The following DENND1A variants were observed in gnomAD, a reference collection of about 807,000 sequenced individuals.
DENND1A encodes DENN domain-containing protein 1A.
Under a neutral mutation model 113.7 loss-of-function variants are expected in DENND1A, and 51 were observed. The observed-to-expected ratio is 0.45, with a 90% CI of 0.36 to 0.57. The LOEUF (loss-of-function observed/expected upper bound fraction) is 0.57. DENND1A is among the 20% of genes least tolerant of loss of function. The pLI, the probability that DENND1A is intolerant of heterozygous loss-of-function variation, is 0.00. For synonymous variants in DENND1A, 565 were observed against 570.8 expected (o/e 0.99, Z 0.14); for missense variants, 1,258 against 1,395.9 (o/e 0.90, Z 1.57).
At chr9:123,878,902 T>C in intron 2 of DENND1A, 49 bp downstream of exon 2, 1 of 1,578,880 alleles carries the variant, frequency 6.3e-7, no homozygotes, top group Non-Finnish European at 8.7e-7. Flanking sequence ...TGCATAGCTA[T>C]CTCAAACAAT....
intron 10 of DENND1A, among the ~76,000 whole-genome samples, chr9:123,623,330 C>T (rs2061043460): frequency 6.6e-6 from 1 of 152,058 alleles, no homozygotes; most frequent in Admixed American, 6.6e-5. Context: ...TACTAATGGC[C>T]CCTAGGTGCC....
chr9:123,427,241 A>G (rs1328107467), intron 19 of DENND1A, among the ~76,000 whole-genome samples: 1 of 152,254 alleles, frequency 6.6e-6, no homozygotes, highest in Non-Finnish European at 1.5e-5. Context: ...ACCACTCACC[A>G]CGAGAATGTT....
At chr9:123,777,702 T>C (rs1830664555) in intron 3 of DENND1A, among the ~76,000 whole-genome samples, 1 of 152,250 alleles carries the variant, frequency 6.6e-6, no homozygotes, top group African/African-American at 2.4e-5. Context: ...TTATTAGCTC[T>C]TGTATGAGAA....
intron 1 of DENND1A, among the ~76,000 whole-genome samples, chr9:123,892,918 G>A (rs1850141370): frequency 6.6e-6 from 1 of 152,112 alleles, no homozygotes; most frequent in Non-Finnish European, 1.5e-5. Flanking sequence ...AGAGGCAGGG[G>A]TTGCGGGGAG....
At chr9:123,406,754 G>A (rs1306615620) in intron 20 of DENND1A, among the ~76,000 whole-genome samples, 1 of 152,154 alleles carries the variant, frequency 6.6e-6, no homozygotes, top group Non-Finnish European at 1.5e-5. Flanking sequence ...TGGCTGGAAT[G>A]ATCCCCACCC....
At chr9:123,783,734 T>C (rs1436679594) in intron 3 of DENND1A, among the ~76,000 whole-genome samples, 1 of 152,176 alleles carries the variant, frequency 6.6e-6, no homozygotes, top group African/African-American at 2.4e-5. Context: ...TCCTCTGCAC[T>C]CTTTCTGGAA....
intron 9 of DENND1A, among the ~76,000 whole-genome samples, chr9:123,641,307 TAA>T (rs1486987475): frequency 1.3e-5 from 2 of 152,006 alleles, no homozygotes; most frequent in African/African-American, 4.8e-5. Flanking sequence ...TTCTGATTCA[TAA>T]GAGTCATATG....
chr9:123,749,395 AG>A (rs1245033076), intron 5 of DENND1A, among the ~76,000 whole-genome samples: 1 of 152,228 alleles, frequency 6.6e-6, no homozygotes, highest in African/African-American at 2.4e-5. Flanking sequence ...CTTTGGTGGC[AG>A]GAAGACAGAA....
intron 13 of DENND1A, among the ~76,000 whole-genome samples, chr9:123,554,185 G>C (rs1271383152): frequency 1.3e-5 from 2 of 152,114 alleles, no homozygotes; most frequent in African/African-American, 4.8e-5. Flanking sequence ...CCTATTTCTT[G>C]GGCTCATATG....
chr9:123,693,436 G>GT, intron 5 of DENND1A, among the ~76,000 whole-genome samples: 1 of 152,286 alleles, frequency 6.6e-6, no homozygotes, highest in Non-Finnish European at 1.5e-5. Context: ...CAGCCTGCTT[G>GT]TGTTGCTCCT....
At chr9:123,542,694 C>G (rs2056377099) in intron 13 of DENND1A, among the ~76,000 whole-genome samples, 1 of 152,052 alleles carries the variant, frequency 6.6e-6, no homozygotes, top group African/African-American at 2.4e-5. Context: ...TTCACGCTCT[C>G]TCTGCTTGGG....
intron 1 of DENND1A, among the ~76,000 whole-genome samples, chr9:123,912,480 A>G (rs192171796): frequency 6.6e-6 from 1 of 152,338 alleles, no homozygotes; most frequent in East Asian, 1.9e-4. Context: ...AGGGCAGCTA[A>G]TAAGTCAAAA....
chr9:123,427,251 T>C (rs1323075357), intron 19 of DENND1A, among the ~76,000 whole-genome samples: 6 of 152,266 alleles, frequency 3.9e-5, no homozygotes, highest in Admixed American at 6.5e-5. Flanking sequence ...ACGAGAATGT[T>C]AGACCCCTGA....
Position 123,884,997 on chromosome 9 carries a change from G to GCACA in DENND1A, c.18-5980_18-5977dup, listed in dbSNP as rs57555620. Among the ~76,000 whole-genome samples the GCACA allele has an allele frequency of 8.6e-3, 1,258 of 145,924 alleles. 9 individuals carry two copies. Among genetic ancestry groups the GCACA allele is most frequent in the South Asian group, 0.027 (122 of 4,468 alleles). ...TCCCACCTGACCTGCGAGCGCGCGC[G>GCACA]CACACACACACACACACACACACAC... On this transcript the variant is annotated intron_variant, in intron 1 of 23. Coordinates refer to ENST00000394215, the MANE Select transcript of DENND1A (RefSeq NM_001352964.2).
chr9:123,650,427 C>T (rs1232792300), intron 9 of DENND1A, among the ~76,000 whole-genome samples: 1 of 152,104 alleles, frequency 6.6e-6, no homozygotes, highest in East Asian at 1.9e-4. Context: ...TATCCATAGG[C>T]CCTTCATTAG....
rs1835227731 is a variant in DENND1A at position 123,804,569 on chromosome 9, AATTT to A, written c.89-11943_89-11940del. Among the ~76,000 whole-genome samples the A allele has an allele frequency of 2.0e-5, 3 of 152,174 alleles. No individual in the cohort carries two copies. In the South Asian group the frequency reaches 6.2e-4, roughly 32 times the overall value. On this transcript the variant is annotated intron_variant, in intron 2 of 23. Transcript: ENST00000394215. ...CTTCAAATATGCACTATCAATTTTA[AATTT>A]ATTTCTCCAGCTCCTATCTCTTCCA...
At chr9:123,538,003 A>C (rs2135506982) in intron 13 of DENND1A, among the ~76,000 whole-genome samples, 1 of 152,374 alleles carries the variant, frequency 6.6e-6, no homozygotes, top group South Asian at 2.1e-4. Context: ...ACTGAGAGGG[A>C]GACAGTGTCT....
intron 5 of DENND1A, among the ~76,000 whole-genome samples, chr9:123,678,721 T>G (rs987366567): frequency 7.2e-5 from 11 of 152,240 alleles, no homozygotes; most frequent in Admixed American, 4.6e-4. Flanking sequence ...AATATACTGA[T>G]AAGCAACTTA....
chr9:123,640,729 G>A lies in DENND1A; in HGVS notation c.619-10253C>T, dbSNP rs114563819. Among the ~76,000 whole-genome samples, 212 of 152,316 alleles carry A rather than the reference G, an allele frequency of 1.4e-3. 1 individual carries two copies. The highest frequency in any genetic ancestry group is 4.8e-3 in the African/African-American group (200 of 41,574). ...GTGCTTTCATATCTGGATGGTCACCGGATCTTTTTAACCACCTTGAGGTAG... is the reference window on the plus strand; with the variant it reads ...GTGCTTTCATATCTGGATGGTCACCAGATCTTTTTAACCACCTTGAGGTAG... On this transcript the variant is annotated intron_variant, in intron 9 of 23. Transcript: ENST00000394215.
Sources: gnomAD v4.1 joint callset for allele counts (sites outside exome capture counted in the v4.1 genomes callset) on GRCh38, gnomAD v4.1.1 for gene constraint, MANE v1.5 for transcripts, NCBI Gene and HGNC (gene_info 2026-07-23, HGNC 2026-07-21) for gene names.